ULK3: variants seen among roughly 807,000 people sequenced by gnomAD.
The protein encoded by ULK3 is unc-51 like kinase 3, also known as serine/threonine-protein kinase ULK3.
Under a neutral mutation model 69.4 loss-of-function variants are expected in ULK3, and 54 were observed. That is an observed-to-expected ratio of 0.78 (90% confidence interval 0.63 to 0.98). The LOEUF is 0.98. Among genes scored for constraint, ULK3 ranks in the 50% least tolerant of loss-of-function variants. ULK3 has a pLI of 0.00. For synonymous variants in ULK3, 240 were observed against 254.5 expected, an observed-to-expected ratio of 0.94 and a Z score of 0.54; for missense variants, 558 against 627.7, an observed-to-expected ratio of 0.89 and a Z score of 1.19.
Position 74,840,631 on chromosome 15 carries a change from G to A in ULK3, c.480C>T (p.Phe160=), listed in dbSNP as rs372901201. ...CATCCCACGGGGACATGTGTTGTGC[G>A]AAACCAAAGTCTGCAGGCAAGAGGA... ...KPHLKLADFG[F]AQHMSPWDEK... is the part of the protein sequence containing the mutation. Residue 160 remains phenylalanine (F), a synonymous_variant, in exon 5 of 16, where the codon TTC becomes TTT. Coordinates refer to ENST00000440863, the MANE Select transcript of ULK3 (RefSeq NM_001099436.4). The A allele has an allele frequency of 2.6e-5, 41 of 1,567,776 alleles. No homozygotes were observed. The highest frequency in any genetic ancestry group is 1.9e-4 in the African/African-American group (14 of 73,134).
intron 6 of ULK3, 69 bp downstream of exon 6, chr15:74,840,165 G>A (rs1027544046): frequency 3.9e-6 from 6 of 1,521,268 alleles, no homozygotes; most frequent in Admixed American, 3.9e-5. Flanking sequence ...AGGTCAGAAC[G>A]AGGTCTAAAC....
rs1199220409 is a variant in ULK3 at position 74,842,556 on chromosome 15, C to A, written c.103-136G>T. 6.3e-7 allele frequency: 1 copy of A among 1,591,862 alleles called. No homozygotes were observed. The highest frequency in any genetic ancestry group is 8.5e-7 in the Non-Finnish European group (1 of 1,176,598). On this transcript the variant is annotated intron_variant, in intron 1 of 15. Transcript: ENST00000440863. The surrounding 1 kb of genome is among the most constrained non-coding windows in gnomAD (Gnocchi z 4.9). ...CTACCTACTGCACACCAGCACCGGG[C>A]TTCCCAGCTTTCCCTTGTGAGGCCA...
intron 8 of ULK3, 33 bp downstream of exon 8, chr15:74,839,235 A>G: frequency 6.5e-7 from 1 of 1,548,596 alleles, no homozygotes; most frequent in Non-Finnish European, 8.7e-7. Flanking sequence ...TCCCTGCTGC[A>G]CCCACGGGCT....
At chr15:74,837,925 AG>A (rs1347182635) in intron 13 of ULK3, 127 bp from the exon 14 acceptor site, 1 of 1,204,782 alleles carries the variant, frequency 8.3e-7, no homozygotes, top group Non-Finnish European at 1.2e-6. Context: ...TTGCCTCCTG[AG>A]TCCCTTATCT....
rs1329067560 is a variant in ULK3, at chr15:74,838,345, C to CT, written c.1168-2dup. 1 of 1,568,848 alleles carries CT rather than the reference C, an allele frequency of 6.4e-7. No individual in the cohort carries two copies. The highest frequency in any genetic ancestry group is 1.2e-5 in the South Asian group (1 of 85,410). ...CCTGCTCCCCGCCGGCGGCCTCCTC[C>CT]TGCAGCCACAAGGACACCAGGCTGC... is the stretch of plus-strand genomic sequence containing the variant. On this transcript the variant is annotated splice_acceptor_variant, in intron 11 of 15. Transcript: ENST00000440863. LOFTEE classifies it high-confidence loss of function.
chr15:74,841,453 G>C lies in ULK3; in HGVS notation c.421C>G (p.Gln141Glu), dbSNP rs768201145. 4 of 1,613,850 alleles carry C rather than the reference G, an allele frequency of 2.5e-6. No homozygotes were observed. In the African/African-American group the frequency reaches 4.0e-5, roughly 16 times the overall value. ...TCCAAGGAGCTCAGTAGAATGTTCT[G>C]TGGCTTCAGATCCAGGTGAGAGATA... ...RNISHLDLKP[Q>E]NILLSSLEKP... is the part of the protein sequence containing the mutation. Residue 141 changes from glutamine (Q) to glutamate (E), a missense_variant, in exon 4 of 16, where the codon CAG becomes GAG. Physicochemically the swap from Gln to Glu is conservative, Grantham distance 29. Transcript: ENST00000440863.
chr15:74,838,756 G>A lies in ULK3; in HGVS notation c.1000-11C>T, dbSNP rs1204083007. 1 of 1,592,114 alleles carries A rather than the reference G, an allele frequency of 6.3e-7. No individual in the cohort carries two copies. The highest frequency in any genetic ancestry group is 1.1e-5 in the South Asian group (1 of 88,466). On this transcript the variant is annotated splice_polypyrimidine_tract_variant and intron_variant, in intron 9 of 15. Transcript: ENST00000440863. The stretch of plus-strand genomic sequence containing the variant: ...CACGTACTGCCCCACCTGTAGCAGG[G>A]AAAGGGCCTGAGGAGGGGCTGTCTC...
In ULK3 at chr15:74,837,088, G is replaced by A. The variant is rs2064039387; in HGVS notation, c.*140C>T. ...TAACCTGAGGGAGGCTGGGGACTCTGGGATATGGGGGTCTCAGCACTGTCC... is the reference window on the plus strand; with the variant it reads ...TAACCTGAGGGAGGCTGGGGACTCTAGGATATGGGGGTCTCAGCACTGTCC... On this transcript the variant is annotated 3_prime_UTR_variant, in exon 16 of 16. Coordinates refer to ENST00000440863, the MANE Select transcript of ULK3 (RefSeq NM_001099436.4). 1 of 1,197,746 alleles carries A rather than the reference G, an allele frequency of 8.3e-7. No homozygotes were observed. Among genetic ancestry groups the A allele is most frequent in the Non-Finnish European group, 1.1e-6 (1 of 875,402 alleles). The allele number at this position is 1,197,746 out of a possible 1,614,324, so 74.2% of individuals were successfully genotyped here. A position where few individuals can be genotyped will look rare whatever the true frequency, so the allele number is the denominator to read the frequency against.
chr15:74,839,327 G>T lies in ULK3; in HGVS notation c.899C>A (p.Ser300Ter). The change falls in exon 8 of 16, where the codon TCA (serine) becomes TAA (stop). Residue 300 changes from serine (S) to a stop codon, truncating the protein, a stop_gained. Transcript: ENST00000440863. LOFTEE classifies it high-confidence loss of function. The part of the protein sequence containing the change: ...QAVKKDQEGD[S>*]AAALSLYCKA... ...GCAGTAGAGTGATAAGGCAGCTGCT[G>T]AATCCCCCTCCTGGTCTTTCTTCAC... The T allele has an allele frequency of 6.4e-7, 1 of 1,567,634 alleles. No homozygotes were observed. Among genetic ancestry groups the T allele is most frequent in the Admixed American group, 1.9e-5 (1 of 53,368 alleles).
intron 7 of ULK3, 81 bp downstream of exon 7, chr15:74,839,477 G>T: frequency 6.5e-7 from 1 of 1,539,898 alleles, no homozygotes; most frequent in Non-Finnish European, 8.7e-7. Flanking sequence ...TCTGTTGGGT[G>T]AGTCACCAAT....
At chr15:74,839,112 C>A in intron 8 of ULK3, 62 bp from the exon 9 acceptor site, 1 of 1,562,226 alleles carries the variant, frequency 6.4e-7, no homozygotes, top group Non-Finnish European at 8.7e-7. Flanking sequence ...ACAACGAACC[C>A]TCTGGAATCC....
intron 7 of ULK3, 84 bp downstream of exon 7, chr15:74,839,474 G>A (rs1252355383): frequency 1.3e-6 from 2 of 1,540,004 alleles, no homozygotes; most frequent in East Asian, 2.4e-5. Flanking sequence ...GTCTCTGTTG[G>A]GTGAGTCACC....
intron 4 of ULK3, among the ~76,000 whole-genome samples, chr15:74,841,192 C>G (rs1416808167): frequency 6.6e-6 from 1 of 152,216 alleles, no homozygotes; most frequent in Non-Finnish European, 1.5e-5. Flanking sequence ...AGACTGAGCC[C>G]TAACTCCACC....
intron 7 of ULK3, 68 bp from the exon 8 acceptor site, chr15:74,839,441 C>A: frequency 6.5e-7 from 1 of 1,542,798 alleles, no homozygotes; most frequent in Non-Finnish European, 8.8e-7. Context: ...GATGGGAGAT[C>A]AGCTCCCCTG....
In ULK3 at chr15:74,842,154, T is replaced by G. The variant is rs372192083; in HGVS notation, c.285A>C (p.Ala95=). ...DNIYLIMEFC[A]GGDLSRFIHT... ...GGATGAAGCGAGACAGGTCGCCCCCTGCGCAAAACTCCATGATGAGGTAGA... is the reference window on the plus strand; with the variant it reads ...GGATGAAGCGAGACAGGTCGCCCCCGGCGCAAAACTCCATGATGAGGTAGA... Residue 95 remains alanine (A), a synonymous_variant, in exon 3 of 16, where the codon GCA becomes GCC. Coordinates refer to ENST00000440863, the MANE Select transcript of ULK3 (RefSeq NM_001099436.4). This position sits in a 1 kb window ranked among gnomAD's most constrained non-coding sequence, Gnocchi z 4.9. 232 of 1,613,870 alleles carry G rather than the reference T, an allele frequency of 1.4e-4. No individual in the cohort carries two copies. Among genetic ancestry groups the G allele is most frequent in the Non-Finnish European group, 1.7e-4 (204 of 1,179,896 alleles).
At position 74,839,612 on chromosome 15, in the gene ULK3, C is replaced by T. The variant is rs761380669; in HGVS notation, c.798G>A (p.Ala266=). The T allele has an allele frequency of 7.7e-5, 120 of 1,563,106 alleles. No individual in the cohort carries two copies. The highest frequency in any genetic ancestry group is 1.8e-4 in the South Asian group (15 of 84,716). Residue 266 remains alanine, a synonymous_variant, in exon 7 of 16, where the codon GCG becomes GCA. Coordinates refer to ENST00000440863, the MANE Select transcript of ULK3 (RefSeq NM_001099436.4). ...SRRISFQDFF[A]HPWVDLEHMP... is the part of the protein sequence containing the mutation. ...TGTGCTCCAGGTCCACCCAGGGGTG[C>T]GCAAAAAAGTCCTGGAAGGAGATGC...
Position 74,837,100 on chromosome 15 carries a change from T to TAC in ULK3, c.*127_*128insGT. ...GGCTGGGGACTCTGGGATATGGGGGTCTCAGCACTGTCCATCCAAGAAGCC... is the reference window on the plus strand; with the variant it reads ...GGCTGGGGACTCTGGGATATGGGGGTACCTCAGCACTGTCCATCCAAGAAGCC... On this transcript the variant is annotated 3_prime_UTR_variant, in exon 16 of 16. Transcript: ENST00000440863. 1.6e-6 allele frequency: 2 copies of TAC among 1,285,772 alleles called. No homozygotes were observed. Among genetic ancestry groups the TAC allele is most frequent in the Non-Finnish European group, 2.1e-6 (2 of 953,792 alleles). The allele number at this position is 1,285,772 out of a possible 1,614,324, so 79.6% of individuals were successfully genotyped here. A position where few individuals can be genotyped will look rare whatever the true frequency, so the allele number is the denominator to read the frequency against.
In ULK3 at chr15:74,842,679, A is replaced by G. The variant is rs1047153573; in HGVS notation, c.103-259T>C. ...GCTGATCCATTTCTTTGCATTCTGG[A>G]GTGCTCCCGGCAGAGGCATGTCACT... On this transcript the variant is annotated intron_variant, in intron 1 of 15. Transcript: ENST00000440863. The surrounding 1 kb of genome is among the most constrained non-coding windows in gnomAD (Gnocchi z 4.9). The G allele has an allele frequency of 9.1e-6, 14 of 1,535,186 alleles. No homozygotes were observed. The highest frequency in any genetic ancestry group is 1.2e-5 in the Non-Finnish European group (14 of 1,146,574).
At chr15:74,839,423 C>T (rs374478668) in intron 7 of ULK3, 50 bp from the exon 8 acceptor site, 3 of 1,545,962 alleles carry the variant, frequency 1.9e-6, no homozygotes, top group Non-Finnish European at 2.6e-6. Context: ...CCCTCCCACA[C>T]TCACCAAGAT....
Sources: allele counts gnomAD v4.1 joint callset (sites outside exome capture counted in the v4.1 genomes callset), GRCh38; gene constraint gnomAD v4.1.1; non-coding constraint Gnocchi (gnomAD v3.1); transcripts MANE v1.5; gene names NCBI Gene and HGNC (gene_info 2026-07-23, HGNC 2026-07-21).